ZNF610: variants seen among roughly 807,000 people sequenced by gnomAD.
ZNF610 encodes zink finger protein.
ZNF610 carries 14 observed loss-of-function variants against 14.1 expected under a neutral mutation model. The observed-to-expected ratio is 0.99, with a 90% confidence interval of 0.65 to 1.55. ZNF610 has a LOEUF of 1.55. Among genes scored for constraint, ZNF610 ranks in the 40% most tolerant of loss-of-function variants. ZNF610 has a pLI of 0.00. For synonymous variants in ZNF610, 185 were observed against 187.6 expected (o/e 0.99, Z 0.11); for missense variants, 530 against 558.0 (o/e 0.95, Z 0.51).
At chr19:52,347,309 T>A (rs1474776024) in intron 1 of ZNF610, 1 of 152,108 alleles carries the variant, frequency 6.6e-6, no homozygotes, top group Non-Finnish European at 1.5e-5. Flanking sequence ...GGAAAAAGAT[T>A]TTAAATGGGA....
intron 1 of ZNF610, chr19:52,345,531 C>CA (rs1486805380): frequency 6.6e-6 from 1 of 150,888 alleles, no homozygotes. Flanking sequence ...TATGAGAACA[C>CA]ATAGCTGAAG....
Position 52,366,655 on chromosome 19 carries a change from G to A in ZNF610, c.1277G>A (p.Arg426Lys). ...TNHQRIHTGERPYKCNACGKV... is the reference protein window; with the variant it reads ...TNHQRIHTGEKPYKCNACGKV... ...CATCAGAGAATTCATACTGGAGAGA[G>A]ACCTTACAAGTGTAATGCATGTGGC... Residue 426 changes from arginine to lysine, a missense_variant, in exon 6 of 6, where the codon AGA becomes AAA. Arg to Lys is a conservative substitution (Grantham distance 26). Transcript: ENST00000403906. 6.2e-7 allele frequency: 1 copy of A among 1,613,964 alleles called. No individual in the cohort carries two copies. Among genetic ancestry groups the A allele is most frequent in the Non-Finnish European group, 8.5e-7 (1 of 1,179,966 alleles).
At chr19:52,337,167 G>A (rs564563321) in intron 1 of ZNF610, among the ~76,000 whole-genome samples, 8 of 151,524 alleles carry the variant, frequency 5.3e-5, no homozygotes, top group African/African-American at 1.9e-4. Context: ...GAAAGGGGGA[G>A]GCTCCTCAGA....
intron 2 of ZNF610, 163 bp downstream of exon 2, chr19:52,348,107 G>C (rs1985052265): frequency 6.6e-6 from 1 of 152,114 alleles, no homozygotes; most frequent in African/African-American, 2.4e-5. Flanking sequence ...TTTAGCAATA[G>C]GCTATACCAT....
At chr19:52,340,838 G>A (rs1030089006) in intron 1 of ZNF610, among the ~76,000 whole-genome samples, 2 of 151,958 alleles carry the variant, frequency 1.3e-5, no homozygotes, top group Non-Finnish European at 2.9e-5. Flanking sequence ...ACGCCACCAC[G>A]CCTGGCTAAT....
At chr19:52,339,997 A>G (rs909366491) in intron 1 of ZNF610, among the ~76,000 whole-genome samples, 3 of 152,224 alleles carry the variant, frequency 2.0e-5, no homozygotes, top group Non-Finnish European at 4.4e-5. Flanking sequence ...ACTGAGGGGC[A>G]GCCTTGTGGG....
At chr19:52,339,041 C>T (rs1409086322) in intron 1 of ZNF610, among the ~76,000 whole-genome samples, 2 of 151,858 alleles carry the variant, frequency 1.3e-5, no homozygotes, top group African/African-American at 4.8e-5. Flanking sequence ...GGAAAACATA[C>T]GAACCAAGAT....
chr19:52,364,727 G>A (rs1985936403), intron 5 of ZNF610, among the ~76,000 whole-genome samples: 2 of 152,110 alleles, frequency 1.3e-5, no homozygotes, highest in African/African-American at 4.8e-5. Context: ...ACAGGCATGT[G>A]CCAGCACAGC....
intron 5 of ZNF610, among the ~76,000 whole-genome samples, chr19:52,354,580 A>ATTTTT (rs201439857): frequency 2.4e-4 from 30 of 123,586 alleles, no homozygotes; most frequent in Non-Finnish European, 3.2e-4. Flanking sequence ...AAGCCATACT[A>ATTTTT]TTTTTTTTTT....
intron 1 of ZNF610, among the ~76,000 whole-genome samples, chr19:52,339,743 A>G (rs1984583455): frequency 6.6e-6 from 1 of 151,962 alleles, no homozygotes; most frequent in Admixed American, 6.6e-5. Flanking sequence ...CACCACAACC[A>G]TTGCCTCCTG....
upstream of ZNF610, among the ~76,000 whole-genome samples, chr19:52,331,286 A>C (rs10423705): frequency 0.011 from 1,687 of 152,290 alleles, 37 homozygotes; most frequent in African/African-American, 0.039. Flanking sequence ...TTGTCTAATC[A>C]TGGAAAACAT....
At chr19:52,359,770 C>G (rs112029641) in intron 5 of ZNF610, among the ~76,000 whole-genome samples, 16 of 152,066 alleles carry the variant, frequency 1.1e-4, no homozygotes, top group Non-Finnish European at 1.6e-4. Flanking sequence ...TCAGATCCCA[C>G]GGGTTGAGGG....
intron 5 of ZNF610, among the ~76,000 whole-genome samples, chr19:52,365,237 C>CAA (rs371290297): frequency 0.017 from 1,745 of 104,320 alleles, 24 homozygotes; most frequent in African/African-American, 0.051. Flanking sequence ...GACTCCGTCT[C>CAA]AAAAAAAAAA....
upstream of ZNF610, among the ~76,000 whole-genome samples, chr19:52,333,024 C>A (rs936822117): frequency 7.9e-5 from 12 of 152,176 alleles, no homozygotes; most frequent in African/African-American, 2.9e-4. Context: ...ATCACCTCCT[C>A]TTCCCTCAGC....
chr19:52,351,967 G>A (rs1242618174), intron 3 of ZNF610, among the ~76,000 whole-genome samples: 2 of 152,182 alleles, frequency 1.3e-5, no homozygotes, highest in Non-Finnish European at 2.9e-5. Context: ...TGGGGTGCAG[G>A]AACTTGCTAA....
chr19:52,348,983 A>C (rs1342149699), intron 2 of ZNF610, among the ~76,000 whole-genome samples, 171 bp from the exon 3 acceptor site: 1 of 151,910 alleles, frequency 6.6e-6, no homozygotes, highest in Non-Finnish European at 1.5e-5. Flanking sequence ...AAAGAGTAAA[A>C]ATTTCACTCA....
chr19:52,364,279 T>G (rs1985918277), intron 5 of ZNF610, among the ~76,000 whole-genome samples: 1 of 152,204 alleles, frequency 6.6e-6, no homozygotes, highest in African/African-American at 2.4e-5. Context: ...ATGCATGATT[T>G]TTTTGTTTTC....
upstream of ZNF610, among the ~76,000 whole-genome samples, chr19:52,335,968 C>G (rs1984352401): frequency 6.6e-6 from 1 of 151,926 alleles, no homozygotes; most frequent in Admixed American, 6.6e-5. Context: ...TGGGCTGAAG[C>G]GATCCTCCAG....
At chr19:52,334,992 G>T (rs1425077866), upstream of ZNF610, among the ~76,000 whole-genome samples, 1 of 75,336 alleles carries the variant, frequency 1.3e-5, no homozygotes, top group Non-Finnish European at 2.8e-5. Context: ...AAAGTTATTG[G>T]TTTTTTTAAA....
Sources: gnomAD v4.1 joint callset for allele counts (sites outside exome capture counted in the v4.1 genomes callset) on GRCh38, gnomAD v4.1.1 for gene constraint, MANE v1.5 for transcripts, NCBI Gene and HGNC (gene_info 2026-07-23, HGNC 2026-07-21) for gene names.